The following ACIN1 variants were observed in gnomAD, a reference collection of about 807,000 sequenced individuals.
ACIN1 encodes apoptotic chromatin condensation inducer in the nucleus.
ACIN1 carries 16 observed loss-of-function variants against 146.6 expected under a neutral mutation model. The observed-to-expected ratio is 0.11, with a 90% CI of 0.07 to 0.17. ACIN1 has a LOEUF of 0.17. Ranked by LOEUF, ACIN1 falls within the 10% of genes least tolerant of loss-of-function variation. ACIN1 has a pLI of 1.00. For synonymous variants in ACIN1, 569 were observed against 582.7 expected, an observed-to-expected ratio of 0.98 and a Z score of 0.34; for missense variants, 1,357 against 1,609.3, an observed-to-expected ratio of 0.84 and a Z score of 2.68.
At chr14:23,062,872 C>T in intron 14 of ACIN1, 57 bp downstream of exon 14, 2 of 1,545,076 alleles carry the variant, frequency 1.3e-6, no homozygotes, top group Admixed American at 4.0e-5. Flanking sequence ...GAGGCATAAG[C>T]CTAAAGCTCA....
At position 23,063,568 on chromosome 14, in the gene ACIN1, C is replaced by G. The variant is rs2047354755; in HGVS notation, c.2605G>C (p.Ala869Pro). ...ICRTVTQVVPAEGQENGQREE... is the reference protein window; with the variant it reads ...ICRTVTQVVPPEGQENGQREE... ...CTCTGCCCATTCTCCTGGCCCTCTGCAGGTACTACCTATCAAGGTGTCAGA... is the reference window on the plus strand; with the variant it reads ...CTCTGCCCATTCTCCTGGCCCTCTGGAGGTACTACCTATCAAGGTGTCAGA... Residue 869 changes from alanine to proline, a missense_variant, in exon 13 of 19, where the codon GCA (alanine) becomes CCA (proline). By Grantham distance (27) the Ala-to-Pro change is conservative. Transcript: ENST00000605057. The G allele has an allele frequency of 9.9e-6, 16 of 1,614,136 alleles. No individual in the cohort carries two copies. Among genetic ancestry groups the G allele is most frequent in the Non-Finnish European group, 1.2e-5 (14 of 1,180,008 alleles).
rs760946710 is a variant in ACIN1 at position 23,090,498 on chromosome 14, T to A, written c.316+24A>T. 3 of 1,606,146 alleles carry A rather than the reference T, an allele frequency of 1.9e-6. No homozygotes were observed. The South Asian group carries it at 3.3e-5, about 18-fold the overall frequency. On this transcript the variant is annotated intron_variant, in intron 3 of 18. Transcript: ENST00000605057. Reference sequence around the variant, plus strand: ...AGGGATAAGAATGACGAACTCCTTGTTAAAAGTGACAATCTGGGCTTACCT... The same window carrying A: ...AGGGATAAGAATGACGAACTCCTTGATAAAAGTGACAATCTGGGCTTACCT...
At position 23,070,587 on chromosome 14, in the gene ACIN1, C is replaced by T. The variant is rs1234497996; in HGVS notation, c.2124-970G>A. On this transcript the variant is annotated intron_variant, in intron 8 of 18. Transcript: ENST00000605057. ...CACTTCAGATAAACTATCTTTCCAC[C>T]TTTGATTTCTGTCTTCGTCCCCAAC... Among the ~76,000 whole-genome samples the T allele has an allele frequency of 3.9e-5, 6 of 152,186 alleles. No homozygotes were observed. The East Asian group carries it at 1.2e-3, about 29-fold the overall frequency.
intron 14 of ACIN1, 147 bp from the exon 15 acceptor site, chr14:23,062,670 A>C (rs1324481500): frequency 1.2e-6 from 1 of 818,964 alleles, no homozygotes; most frequent in African/African-American, 1.7e-5. Context: ...AGAATGTGAG[A>C]AGAGTGGTGG....
chr14:23,089,940 G>A lies in ACIN1; in HGVS notation c.436+42C>T, dbSNP rs758725921. The A allele has an allele frequency of 7.1e-6, 11 of 1,541,010 alleles. No individual in the cohort carries two copies. In the Admixed American group the frequency reaches 7.4e-5, roughly 10 times the overall value. Reference sequence around the variant, plus strand: ...GTAACTACCTCCCCCCACCAACTACGCAGGATTGACAAAACAGCGCAGTGG... The same window carrying A: ...GTAACTACCTCCCCCCACCAACTACACAGGATTGACAAAACAGCGCAGTGG... On this transcript the variant is annotated intron_variant, in intron 4 of 18. Transcript: ENST00000605057.
At chr14:23,065,296 G>A (rs760594177) in intron 10 of ACIN1, among the ~76,000 whole-genome samples, 6 of 152,124 alleles carry the variant, frequency 3.9e-5, no homozygotes, top group Non-Finnish European at 5.9e-5. Context: ...TTAGAATAAC[G>A]CATAAACAAG....
intron 8 of ACIN1, chr14:23,071,411 A>AG: frequency 1.9e-6 from 3 of 1,551,478 alleles, no homozygotes; most frequent in Non-Finnish European, 1.7e-6. Flanking sequence ...TTAAGAGATA[A>AG]GCGTTAAGTC....
chr14:23,070,979 C>G, intron 8 of ACIN1: 1 of 881,900 alleles, frequency 1.1e-6, no homozygotes, highest in South Asian at 1.7e-5. Context: ...CAATTAGAAA[C>G]TGGGCAGGCA....
In ACIN1 at chr14:23,063,554, C is replaced by T; in HGVS notation, c.2619G>A (p.Glu873=). ...CTTCCTCTTCTTCCCTCTGCCCATTCTCCTGGCCCTCTGCAGGTACTACCT... is the reference window on the plus strand; with the variant it reads ...CTTCCTCTTCTTCCCTCTGCCCATTTTCCTGGCCCTCTGCAGGTACTACCT... ...VTQVVPAEGQ[E]NGQREEEEEE... Residue 873 remains glutamate, a synonymous_variant, in exon 13 of 19, where the codon GAG becomes GAA. Transcript: ENST00000605057. 1 of 1,614,226 alleles carries T rather than the reference C, an allele frequency of 6.2e-7. No homozygotes were observed. Among genetic ancestry groups the T allele is most frequent in the Non-Finnish European group, 8.5e-7 (1 of 1,180,044 alleles).
intron 14 of ACIN1, 156 bp downstream of exon 14, chr14:23,062,773 T>C (rs993743900): frequency 5.9e-6 from 6 of 1,024,740 alleles, no homozygotes; most frequent in East Asian, 5.1e-5. Context: ...CCCTCATTTT[T>C]AGATGGGTAA....
rs1461770522 is a variant in ACIN1, at chr14:23,069,625, G to A, written c.2124-8C>T. On this transcript the variant is annotated splice_polypyrimidine_tract_variant and splice_region_variant and intron_variant, in intron 8 of 18. Coordinates refer to ENST00000605057, the MANE Select transcript of ACIN1 (RefSeq NM_001386863.1). ...ACTTCCTCCTTCTCCTCACTGACAG[G>A]AGGGGGGAGTGGTGGTGGGGGGGCG... is the stretch of plus-strand genomic sequence containing the variant. 6.5e-7 allele frequency: 1 copy of A among 1,539,308 alleles called. No individual in the cohort carries two copies. Among genetic ancestry groups the A allele is most frequent in the East Asian group, 2.4e-5 (1 of 40,998 alleles).
chr14:23,094,933 G>A, intron 1 of ACIN1, 42 bp downstream of exon 1: 2 of 1,546,702 alleles, frequency 1.3e-6, no homozygotes, highest in Middle Eastern at 2.1e-4. Context: ...GTCTCTACCG[G>A]GTCCGCTCTC....
intron 18 of ACIN1, among the ~76,000 whole-genome samples, chr14:23,059,784 G>C (rs1362825026): frequency 6.6e-6 from 1 of 151,570 alleles, no homozygotes; most frequent in Admixed American, 6.6e-5. Flanking sequence ...CTGCTGAGCA[G>C]CTGGGACCAC....
Position 23,080,434 on chromosome 14 carries a change from TCTC to T in ACIN1, c.898_900del (p.Glu300del), listed in dbSNP as rs1391286802. On this transcript the variant is annotated inframe_deletion, in exon 6 of 19. Coordinates refer to ENST00000605057, the MANE Select transcript of ACIN1 (RefSeq NM_001386863.1). ...AGGGGAGATGTTGTTTTCATTTCCT[TCTC>T]CTGCTGCTGTCTGGCCAGATGACTT... 4.3e-6 allele frequency: 7 copies of T among 1,614,142 alleles called. No homozygotes were observed. The highest frequency in any genetic ancestry group is 2.2e-5 in the East Asian group (1 of 44,884).
chr14:23,070,996 A>AG, intron 8 of ACIN1: 2 of 1,064,452 alleles, frequency 1.9e-6, no homozygotes, highest in East Asian at 2.6e-5. Flanking sequence ...GGCAGGACAA[A>AG]GGGGGAAGGC....
In ACIN1 at chr14:23,063,060, T is replaced by G. The variant is rs757291247; in HGVS notation, c.2752A>C (p.Thr918Pro). ...TGGCTAATGGAACGTCGAGTTAAGGTATCTCCTAAAGTCACTATCAAGAAG... is the reference window on the plus strand; with the variant it reads ...TGGCTAATGGAACGTCGAGTTAAGGGATCTCCTAAAGTCACTATCAAGAAG... ...HEVKKVTLGD[T>P]LTRRSISQQK... Residue 918 changes from threonine (T) to proline (P), a missense_variant, in exon 14 of 19, where the codon ACC becomes CCC. By Grantham distance (38) the Thr-to-Pro change is conservative (BLOSUM62 -1). This residue lies in a region of ACIN1 where 509 missense variants were observed against 719.6 expected (regional missense o/e 0.71). Transcript: ENST00000605057. 1.9e-6 allele frequency: 3 copies of G among 1,611,792 alleles called. No homozygotes were observed. The highest frequency in any genetic ancestry group is 2.5e-6 in the Non-Finnish European group (3 of 1,179,260).
chr14:23,063,652 C>T (rs1481706808), intron 12 of ACIN1, 75 bp from the exon 13 acceptor site: 26 of 1,561,026 alleles, frequency 1.7e-5, no homozygotes, highest in East Asian at 1.1e-4. Flanking sequence ...TCTGGTTCCC[C>T]GGTAAGAGTA....
At chr14:23,072,767 G>A (rs2047696546) in intron 8 of ACIN1, among the ~76,000 whole-genome samples, 1 of 152,166 alleles carries the variant, frequency 6.6e-6, no homozygotes, top group African/African-American at 2.4e-5. Flanking sequence ...ATGCTAAAGT[G>A]GCCATATTTA....
intron 10 of ACIN1, 150 bp from the exon 11 acceptor site, chr14:23,064,638 C>T (rs2047392772): frequency 1.8e-6 from 2 of 1,136,366 alleles, no homozygotes; most frequent in Non-Finnish European, 2.5e-6. Flanking sequence ...GTGGCTCACA[C>T]CTGTAATCCC....
Sources: gnomAD v4.1 joint callset for allele counts (sites outside exome capture counted in the v4.1 genomes callset) on GRCh38, gnomAD v4.1.1 for gene constraint, gnomAD v4.1.1 regional missense constraint, MANE v1.5 for transcripts, NCBI Gene and HGNC (gene_info 2026-07-23, HGNC 2026-07-21) for gene names.